PHACTR2: variants seen among roughly 807,000 people sequenced by gnomAD.
The protein encoded by PHACTR2 is chromosome 6 open reading frame 56.
PHACTR2 carries 30 observed loss-of-function variants against 76.0 expected under a neutral mutation model. That is an observed-to-expected ratio of 0.39 (90% CI 0.30 to 0.54). The LOEUF is 0.54. Among genes scored for constraint, PHACTR2 ranks in the 20% least tolerant of loss-of-function variants. The pLI is 0.61. For missense variants in PHACTR2, 696 were observed against 781.1 expected, an observed-to-expected ratio of 0.89 and a Z score of 1.30; for synonymous variants, 292 against 292.5, an observed-to-expected ratio of 1.00 and a Z score of 0.02.
intron 1 of PHACTR2, among the ~76,000 whole-genome samples, chr6:143,635,335 T>A (rs1407473002): frequency 1.3e-5 from 2 of 152,046 alleles, no homozygotes; most frequent in South Asian, 2.1e-4. Context: ...TGTGTGTGTG[T>A]GTGTGTGTGT....
Position 143,654,285 on chromosome 6 carries a change from G to A in PHACTR2, c.13+45963G>A, listed in dbSNP as rs12207002. 0.17 allele frequency among the ~76,000 whole-genome samples: 25,712 copies of A among 152,012 alleles called. 2,328 individuals carry two copies. The highest frequency in any genetic ancestry group is 0.35 in the East Asian group (1,781 of 5,150). On this transcript the variant is annotated intron_variant, in intron 1 of 11. Transcript: ENST00000305766. The surrounding 1 kb of genome is among the most constrained non-coding windows in gnomAD (Gnocchi z 4.6). ...AGTCACTTTAGAAAACACTCTGGCAGTTCCTCAAACAATCAATCATAGAGT... is the reference window on the plus strand; with the variant it reads ...AGTCACTTTAGAAAACACTCTGGCAATTCCTCAAACAATCAATCATAGAGT...
chr6:143,677,905 A>C (rs1582761200), upstream of PHACTR2: 17 of 120,088 alleles, frequency 1.4e-4, no homozygotes, highest in East Asian at 5.8e-4. Flanking sequence ...TATCGCCCTC[A>C]CCCCCCTTCT....
rs1272280707 is a variant in PHACTR2, at chr6:143,708,766, T to C, written c.47-3250T>C. 2.0e-5 allele frequency among the ~76,000 whole-genome samples: 3 copies of C among 152,162 alleles called. No individual in the cohort carries two copies. Among genetic ancestry groups the C allele is most frequent in the African/African-American group, 7.2e-5 (3 of 41,440 alleles). On this transcript the variant is annotated intron_variant, in intron 1 of 12. Coordinates refer to ENST00000440869, the MANE Select transcript of PHACTR2 (RefSeq NM_001100164.2). This position sits in a 1 kb window ranked among gnomAD's most constrained non-coding sequence, Gnocchi z 5.5. ...CACATCGGCCAACTGTGCCAACATA[T>C]GGTTTCTAATTGCAAATATGGTCTA...
At position 143,583,555 on chromosome 6, in the gene PHACTR2, T is replaced by C. The variant is rs4142501; in HGVS notation, c.217+46348T>C. On this transcript the variant is annotated intron_variant, in intron 1 of 11. Transcript: ENST00000367584. The surrounding 1 kb of genome is among the most constrained non-coding windows in gnomAD (Gnocchi z 4.0). ...GTTGAATGGTGCAGCAACAGAGCTGTACAACACCTTTGTCTTGCCTGGAAG... is the reference window on the plus strand; with the variant it reads ...GTTGAATGGTGCAGCAACAGAGCTGCACAACACCTTTGTCTTGCCTGGAAG... 0.3 allele frequency among the ~76,000 whole-genome samples: 45,206 copies of C among 152,198 alleles called. 6,800 individuals are homozygous for C. The highest frequency in any genetic ancestry group is 0.42 in the Middle Eastern group (123 of 294).
chr6:143,590,463 A>C (rs1775677238), intron 1 of PHACTR2, among the ~76,000 whole-genome samples: 1 of 152,008 alleles, frequency 6.6e-6, no homozygotes. Context: ...ACTCATCAAG[A>C]GGAACATAGC....
At chr6:143,615,666 TAG>T (rs1776047676) in intron 1 of PHACTR2, among the ~76,000 whole-genome samples, 1 of 152,188 alleles carries the variant, frequency 6.6e-6, no homozygotes, top group African/African-American at 2.4e-5. Flanking sequence ...GTGATAATAT[TAG>T]AGTCATTAAC....
rs1779441490 is a variant in PHACTR2, at chr6:143,761,528, T to A, written c.694+888T>A. ...CAGCACTTTGGGAGGCTGATGCGGATCGATCACTTGAGGTCAGGAGTTCGA... is the reference window on the plus strand; with the variant it reads ...CAGCACTTTGGGAGGCTGATGCGGAACGATCACTTGAGGTCAGGAGTTCGA... On this transcript the variant is annotated intron_variant, in intron 5 of 12. Coordinates refer to ENST00000440869, the MANE Select transcript of PHACTR2 (RefSeq NM_001100164.2). This position sits in a 1 kb window ranked among gnomAD's most constrained non-coding sequence, Gnocchi z 5.2. Among the ~76,000 whole-genome samples, 1 of 152,060 alleles carries A rather than the reference T, an allele frequency of 6.6e-6. No homozygotes were observed. Among genetic ancestry groups the A allele is most frequent in the African/African-American group, 2.4e-5 (1 of 41,400 alleles).
chr6:143,694,619 G>A (rs1332811997), intron 1 of PHACTR2, among the ~76,000 whole-genome samples: 1 of 152,172 alleles, frequency 6.6e-6, no homozygotes, highest in Non-Finnish European at 1.5e-5. Flanking sequence ...TCCGCAGGGT[G>A]ACATGTCTCT....
intron 1 of PHACTR2, among the ~76,000 whole-genome samples, chr6:143,645,232 A>G (rs918032736): frequency 1.3e-5 from 2 of 152,030 alleles, no homozygotes; most frequent in African/African-American, 4.8e-5. Flanking sequence ...AATTCCAGAA[A>G]TATGGAGCCA....
rs78188069 is a variant in PHACTR2 at position 143,763,858 on chromosome 6, C to A, written c.695-1403C>A. Among the ~76,000 whole-genome samples, 448 of 152,254 alleles carry A rather than the reference C, an allele frequency of 2.9e-3. 1 individual carries two copies. Among genetic ancestry groups the A allele is most frequent in the Non-Finnish European group, 4.7e-3 (318 of 68,020 alleles). On this transcript the variant is annotated intron_variant, in intron 5 of 12. Coordinates refer to ENST00000440869, the MANE Select transcript of PHACTR2 (RefSeq NM_001100164.2). ...GTGTGGATTGGCTTCACAATGCTAA[C>A]AAGATGTTTTCTAATCGTTCTGTGA...
chr6:143,768,780 A>G (rs1775020873), intron 6 of PHACTR2, among the ~76,000 whole-genome samples: 1 of 152,194 alleles, frequency 6.6e-6, no homozygotes, highest in Non-Finnish European at 1.5e-5. Context: ...GGCTATTTAT[A>G]ATAGATATTC....
rs1342514428 is a variant in PHACTR2 at position 143,623,344 on chromosome 6, G to A, written c.13+15022G>A. 6.6e-6 allele frequency among the ~76,000 whole-genome samples: 1 copy of A among 152,122 alleles called. No individual in the cohort carries two copies. Among genetic ancestry groups the A allele is most frequent in the Non-Finnish European group, 1.5e-5 (1 of 68,022 alleles). ...TCATAATACCCAAATGAAGGCCCAG[G>A]TGAGCAGATCACTTGAAGTCAGGAG... On this transcript the variant is annotated intron_variant, in intron 1 of 11. Transcript: ENST00000305766. The surrounding 1 kb of genome is among the most constrained non-coding windows in gnomAD (Gnocchi z 5.9).
At chr6:143,762,818 T>C (rs866008564) in intron 5 of PHACTR2, among the ~76,000 whole-genome samples, 1 of 152,344 alleles carries the variant, frequency 6.6e-6, no homozygotes, top group Admixed American at 6.5e-5. Flanking sequence ...CTCCTTGATT[T>C]TTGTTTCTCA....
rs1347043969 is a variant in PHACTR2 at position 143,639,420 on chromosome 6, G to A, written c.13+31098G>A. Among the ~76,000 whole-genome samples, 1 of 152,148 alleles carries A rather than the reference G, an allele frequency of 6.6e-6. No individual in the cohort carries two copies. The highest frequency in any genetic ancestry group is 1.5e-5 in the Non-Finnish European group (1 of 68,028). The stretch of plus-strand genomic sequence containing the variant: ...ATTACTAAGTGAAAGCATATTCAGA[G>A]CCATTTTATAAGTGACACAAGCAAA... On this transcript the variant is annotated intron_variant, in intron 1 of 11. Transcript: ENST00000305766. The surrounding 1 kb of genome is among the most constrained non-coding windows in gnomAD (Gnocchi z 5.0).
intron 1 of PHACTR2, among the ~76,000 whole-genome samples, chr6:143,563,687 T>C (rs540806745): frequency 6.6e-6 from 1 of 152,082 alleles, no homozygotes; most frequent in Non-Finnish European, 1.5e-5. Flanking sequence ...CAAGTGCTTT[T>C]TCCTAACATT....
intron 1 of PHACTR2, among the ~76,000 whole-genome samples, chr6:143,576,827 A>G (rs11155301): frequency 0.62 from 91,859 of 147,128 alleles, 28,642 homozygotes; most frequent in Middle Eastern, 0.74. Context: ...AGTGAGCCGA[A>G]CTCGTACCAC....
chr6:143,719,626 A>T (rs1218894390), intron 2 of PHACTR2, among the ~76,000 whole-genome samples: 2 of 149,908 alleles, frequency 1.3e-5, no homozygotes, highest in Non-Finnish European at 3.0e-5. Context: ...CTGGGATTAC[A>T]GGCGTGAGCA....
intron 9 of PHACTR2, among the ~76,000 whole-genome samples, chr6:143,779,236 G>C (rs1451444863): frequency 6.6e-6 from 1 of 152,080 alleles, no homozygotes; most frequent in Non-Finnish European, 1.5e-5. Flanking sequence ...CTTCCACATA[G>C]ATTGCTCTTG....
chr6:143,574,207 T>C (rs1158484152), intron 1 of PHACTR2, among the ~76,000 whole-genome samples: 1 of 152,204 alleles, frequency 6.6e-6, no homozygotes, highest in Non-Finnish European at 1.5e-5. Context: ...ACTGTGGGCT[T>C]CCTCAGCGTG....
Sources: allele counts gnomAD v4.1 joint callset (sites outside exome capture counted in the v4.1 genomes callset), GRCh38; gene constraint gnomAD v4.1.1; non-coding constraint Gnocchi (gnomAD v3.1); transcripts MANE v1.5; gene names NCBI Gene and HGNC (gene_info 2026-07-23, HGNC 2026-07-21).